The following GAS7 variants were observed in gnomAD, a reference collection of about 807,000 sequenced individuals.
GAS7 encodes growth arrest specific 7, also known as growth arrest-specific protein 7.
GAS7 carries 28 observed loss-of-function variants against 71.1 expected under a neutral mutation model. That is an observed-to-expected ratio of 0.39 (90% confidence interval 0.29 to 0.54). The LOEUF (loss-of-function observed/expected upper bound fraction) is 0.54, where lower values mean the gene tolerates loss of function less well. Ranked by LOEUF, GAS7 falls within the 20% of genes least tolerant of loss-of-function variation. GAS7 has a pLI of 0.62. For synonymous variants in GAS7, 258 were observed against 245.8 expected (o/e 1.05, Z -0.46); for missense variants, 436 against 627.8 (o/e 0.69, Z 3.27).
rs550147916 is a variant in GAS7, at chr17:10,075,280, C to T, written c.184-55383G>A. 2.4e-4 allele frequency among the ~76,000 whole-genome samples: 36 copies of T among 151,808 alleles called. 1 individual carries two copies. Among genetic ancestry groups the T allele is most frequent in the South Asian group, 1.9e-3 (9 of 4,788 alleles). ...CTGAGGCAGGAGAATCGCTTGAACC[C>T]AGGAGGCAGAGGTGCAGTAAGCTGT... On this transcript the variant is annotated intron_variant, in intron 1 of 13. Coordinates refer to ENST00000432992, the MANE Select transcript of GAS7 (RefSeq NM_201433.2).
chr17:10,124,231 G>A (rs1426255604), intron 1 of GAS7, among the ~76,000 whole-genome samples: 1 of 152,214 alleles, frequency 6.6e-6, no homozygotes, highest in African/African-American at 2.4e-5. Flanking sequence ...CCAAGCTGAA[G>A]GTGGACATGG....
chr17:10,158,638 T>C (rs952542664), intron 1 of GAS7, among the ~76,000 whole-genome samples: 4 of 152,154 alleles, frequency 2.6e-5, no homozygotes, highest in Admixed American at 6.5e-5. Context: ...AGGTTAGATA[T>C]GCAATAAAAC....
chr17:10,123,661 C>T (rs1157731443), intron 1 of GAS7, among the ~76,000 whole-genome samples: 1 of 152,250 alleles, frequency 6.6e-6, no homozygotes, highest in Non-Finnish European at 1.5e-5. Flanking sequence ...TGCCTCCAAC[C>T]TCCAGCCACC....
chr17:10,198,562 C>T lies in GAS7; in HGVS notation c.-172G>A. On this transcript the variant is annotated 5_prime_UTR_variant, in exon 1 of 14. Coordinates refer to ENST00000432992, the MANE Select transcript of GAS7 (RefSeq NM_201433.2). ...AGGCAGGCGGGGGACGCGCGCTCCG[C>T]GCCGGGAAGCAGAGACTCGTTGGCT... is the stretch of plus-strand genomic sequence containing the variant. 2.5e-6 allele frequency: 1 copy of T among 393,250 alleles called. No individual in the cohort carries two copies. Among genetic ancestry groups the T allele is most frequent in the Admixed American group, 4.7e-5 (1 of 21,370 alleles). 24.4% of individuals were successfully genotyped at this position (393,250 alleles called of 1,614,324 possible). A position where few individuals can be genotyped will look rare whatever the true frequency, so the allele number is the denominator to read the frequency against.
chr17:9,946,819 T>A, intron 6 of GAS7, 75 bp downstream of exon 6: 1 of 849,986 alleles, frequency 1.2e-6, no homozygotes, highest in Non-Finnish European at 1.9e-6. Context: ...GAGATCCAGG[T>A]CCCTCCTACC....
rs1465773692 is a variant in GAS7, at chr17:10,019,792, T to C, written c.289A>G (p.Asn97Asp). 6.2e-7 allele frequency: 1 copy of C among 1,613,832 alleles called. No individual in the cohort carries two copies. The highest frequency in any genetic ancestry group is 1.3e-5 in the African/African-American group (1 of 75,000). Residue 97 changes from asparagine (N) to aspartate (D), a missense_variant, in exon 2 of 14, where the codon AAC becomes GAC. By Grantham distance (23) the Asn-to-Asp change is conservative (BLOSUM62 1). Coordinates refer to ENST00000432992, the MANE Select transcript of GAS7 (RefSeq NM_201433.2). ...LSPQGRRYYVNTTTNETTWER... is the reference protein window; with the variant it reads ...LSPQGRRYYVDTTTNETTWER... Reference sequence around the variant, plus strand: ...CGGGACTCACCATTGGTGGTCGTGTTGACATAGTACCGCCGGCCCTGAGGC... The same window carrying C: ...CGGGACTCACCATTGGTGGTCGTGTCGACATAGTACCGCCGGCCCTGAGGC...
At chr17:10,074,970 T>C (rs1446031172) in intron 1 of GAS7, among the ~76,000 whole-genome samples, 1 of 149,170 alleles carries the variant, frequency 6.7e-6, no homozygotes, top group East Asian at 1.9e-4. Context: ...AAAAATAGGA[T>C]AATCTGGATG....
At chr17:9,938,276 G>T (rs2068471195) in intron 8 of GAS7, among the ~76,000 whole-genome samples, 1 of 151,916 alleles carries the variant, frequency 6.6e-6, no homozygotes, top group African/African-American at 2.4e-5. Flanking sequence ...GGAGGCCAAG[G>T]AGGGTGGACT....
intron 2 of GAS7, among the ~76,000 whole-genome samples, chr17:9,998,788 A>C (rs1400078917): frequency 6.6e-6 from 1 of 152,186 alleles, no homozygotes; most frequent in African/African-American, 2.4e-5. Context: ...TGATTTTCCC[A>C]TCCTTACGCC....
rs566784713 is a variant in GAS7 at position 9,974,212 on chromosome 17, G to A, written c.386-4450C>T. 2.6e-5 allele frequency among the ~76,000 whole-genome samples: 4 copies of A among 152,162 alleles called. No homozygotes were observed. The highest frequency in any genetic ancestry group is 4.8e-5 in the African/African-American group (2 of 41,430). On this transcript the variant is annotated intron_variant, in intron 3 of 13. Transcript: ENST00000432992. The surrounding 1 kb of genome is among the most constrained non-coding windows in gnomAD (Gnocchi z 4.0). ...TTTCCATTCGACCCTTTCTCCCCACGTAGCAGCTCTCCTCGGACACCCTGT... is the reference window on the plus strand; with the variant it reads ...TTTCCATTCGACCCTTTCTCCCCACATAGCAGCTCTCCTCGGACACCCTGT...
At chr17:10,046,832 G>GAAAAA (rs2072973800) in intron 1 of GAS7, among the ~76,000 whole-genome samples, 1 of 95,202 alleles carries the variant, frequency 1.1e-5, no homozygotes, top group African/African-American at 5.5e-5. Flanking sequence ...AAGGAAGGAA[G>GAAAAA]GAAGGAAGGA....
chr17:10,048,736 A>AT (rs2073018221), intron 1 of GAS7, among the ~76,000 whole-genome samples: 1 of 152,220 alleles, frequency 6.6e-6, no homozygotes, highest in Non-Finnish European at 1.5e-5. Flanking sequence ...TGTTAGAGGC[A>AT]TGCAAGTGAA....
rs761522960 is a variant in GAS7, at chr17:9,934,251, C to A, written c.807-7G>T. On this transcript the variant is annotated splice_polypyrimidine_tract_variant and splice_region_variant and intron_variant, in intron 8 of 13. Transcript: ENST00000432992. ...CCACGCCTCTCCCAAGGAGCTGCAA[C>A]ACAAAGACCATGAGACTCAGGTCAC... 15 of 1,596,218 alleles carry A rather than the reference C, an allele frequency of 9.4e-6. No individual in the cohort carries two copies. In the South Asian group the frequency reaches 1.7e-4, roughly 18 times the overall value.
At chr17:10,122,131 C>A (rs3764427) in intron 1 of GAS7, among the ~76,000 whole-genome samples, 22,852 of 152,184 alleles carry the variant, frequency 0.15, 2,237 homozygotes, top group Non-Finnish European at 0.22. Flanking sequence ...CACTCCTCCT[C>A]GTACAGTGTG....
intron 1 of GAS7, among the ~76,000 whole-genome samples, chr17:10,152,181 G>A (rs140210842): frequency 1.2e-4 from 19 of 152,240 alleles, no homozygotes; most frequent in African/African-American, 4.3e-4. Context: ...ACTTAGCAAC[G>A]TATCTTGGTT....
chr17:9,926,929 G>A lies in GAS7; in HGVS notation c.886-160C>T. ...AGGTGAGAGACACCCCCTGACACGTGGCTGCCTATCAGGTCTCAGCTTAGG... is the reference window on the plus strand; with the variant it reads ...AGGTGAGAGACACCCCCTGACACGTAGCTGCCTATCAGGTCTCAGCTTAGG... On this transcript the variant is annotated intron_variant, in intron 9 of 13. Coordinates refer to ENST00000432992, the MANE Select transcript of GAS7 (RefSeq NM_201433.2). The surrounding 1 kb of genome is among the most constrained non-coding windows in gnomAD (Gnocchi z 5.0). 2.9e-6 allele frequency: 2 copies of A among 696,394 alleles called. No homozygotes were observed. Among genetic ancestry groups the A allele is most frequent in the Non-Finnish European group, 5.0e-6 (2 of 399,558 alleles). The allele number at this position is 696,394 out of a possible 1,614,324, so 43.1% of individuals were successfully genotyped here. A position where few individuals can be genotyped will look rare whatever the true frequency, so the allele number is the denominator to read the frequency against.
chr17:9,943,363 AGCTGTCTCT>A, intron 6 of GAS7, 127 bp from the exon 7 acceptor site: 1 of 661,044 alleles, frequency 1.5e-6, no homozygotes, highest in Non-Finnish European at 2.8e-6. Context: ...ACGCGGGAGC[AGCTGTCTCT>A]GCTGCCCTAA....
chr17:10,068,463 T>C (rs950251668), intron 1 of GAS7, among the ~76,000 whole-genome samples: 2 of 151,928 alleles, frequency 1.3e-5, no homozygotes, highest in South Asian at 2.1e-4. Flanking sequence ...TTACTTCTGG[T>C]AAAGACTTAT....
chr17:10,132,230 T>C (rs2074002828), intron 1 of GAS7, among the ~76,000 whole-genome samples: 1 of 152,230 alleles, frequency 6.6e-6, no homozygotes, highest in South Asian at 2.1e-4. Flanking sequence ...TTCCTAAACA[T>C]CTGGTGCCCA....
Sources: allele counts gnomAD v4.1 joint callset (sites outside exome capture counted in the v4.1 genomes callset), GRCh38; gene constraint gnomAD v4.1.1; non-coding constraint Gnocchi (gnomAD v3.1); transcripts MANE v1.5; gene names NCBI Gene and HGNC (gene_info 2026-07-23, HGNC 2026-07-21).